PLCB1: variants seen among roughly 807,000 people sequenced by gnomAD.
The protein encoded by PLCB1 is 1-phosphatidylinositol 4,5-bisphosphate phosphodiesterase beta-1.
PLCB1 carries 46 observed loss-of-function variants against 161.8 expected under a neutral mutation model. The observed-to-expected ratio is 0.28, with a 90% CI of 0.22 to 0.36. PLCB1 has a LOEUF of 0.36. Among genes scored for constraint, PLCB1 ranks in the 10% least tolerant of loss-of-function variants. The pLI, the probability that PLCB1 is intolerant of heterozygous loss-of-function variation, is 1.00. For synonymous variants in PLCB1, 517 were observed against 503.7 expected (o/e 1.03, Z -0.35); for missense variants, 1,016 against 1,472.5 (o/e 0.69, Z 5.07).
chr20:8,471,860 T>C (rs761405298), intron 3 of PLCB1, among the ~76,000 whole-genome samples: 6 of 152,176 alleles, frequency 3.9e-5, no homozygotes, highest in Non-Finnish European at 8.8e-5. Context: ...ATTATAAAGA[T>C]CTTCTCATTT....
At chr20:8,630,503 C>T (rs1330976662) in intron 4 of PLCB1, among the ~76,000 whole-genome samples, 1 of 152,092 alleles carries the variant, frequency 6.6e-6, no homozygotes, top group Non-Finnish European at 1.5e-5. Flanking sequence ...CCAAGTTACC[C>T]ATTTATTTCT....
intron 27 of PLCB1, among the ~76,000 whole-genome samples, chr20:8,785,817 G>C (rs1347258076): frequency 6.6e-6 from 1 of 152,222 alleles, no homozygotes; most frequent in African/African-American, 2.4e-5. Context: ...CATGTGAGCA[G>C]ATGCTGGCAT....
chr20:8,570,429 G>A (rs1026356018), intron 3 of PLCB1, among the ~76,000 whole-genome samples: 1 of 152,094 alleles, frequency 6.6e-6, no homozygotes, highest in Non-Finnish European at 1.5e-5. Context: ...TTGCATGTGG[G>A]TGCATATATG....
intron 3 of PLCB1, among the ~76,000 whole-genome samples, chr20:8,578,369 C>T (rs1000052063): frequency 1.3e-5 from 2 of 152,024 alleles, no homozygotes; most frequent in Admixed American, 6.5e-5. Flanking sequence ...TCTTTTAAAG[C>T]ACAATGAGTG....
chr20:8,646,881 T>C (rs994447450), intron 5 of PLCB1, among the ~76,000 whole-genome samples: 1 of 152,194 alleles, frequency 6.6e-6, no homozygotes, highest in Non-Finnish European at 1.5e-5. Flanking sequence ...GGTTAGGAAG[T>C]CTTTAAATCA....
In PLCB1 at chr20:8,774,526, T is replaced by G; in HGVS notation, c.2931-13T>G. On this transcript the variant is annotated splice_polypyrimidine_tract_variant and intron_variant, in intron 26 of 31. Transcript: ENST00000338037. ...CCTGTCTGTTTTGTGAGTCAAACTC[T>G]GTGTCTTTGCAGATCGGAACCCAGC... 6.3e-7 allele frequency: 1 copy of G among 1,582,966 alleles called. No individual in the cohort carries two copies. The highest frequency in any genetic ancestry group is 8.6e-7 in the Non-Finnish European group (1 of 1,158,396).
intron 3 of PLCB1, among the ~76,000 whole-genome samples, chr20:8,410,384 A>G (rs975038903): frequency 2.0e-5 from 3 of 152,222 alleles, no homozygotes; most frequent in African/African-American, 7.2e-5. Context: ...TATTAAGAGT[A>G]CAAGAGAGAT....
chr20:8,573,056 A>T (rs1263028842), intron 3 of PLCB1, among the ~76,000 whole-genome samples: 1 of 152,198 alleles, frequency 6.6e-6, no homozygotes, highest in East Asian at 1.9e-4. Flanking sequence ...CGTGGACCTG[A>T]AAAGTATATT....
At chr20:8,753,970 TC>T (rs1340697634) in intron 23 of PLCB1, among the ~76,000 whole-genome samples, 1 of 152,072 alleles carries the variant, frequency 6.6e-6, no homozygotes, top group Non-Finnish European at 1.5e-5. Context: ...AGGGGTTGTG[TC>T]CCAAGAGTGA....
chr20:8,628,468 G>T (rs1201002063), intron 4 of PLCB1, 37 bp downstream of exon 4: 2 of 1,608,680 alleles, frequency 1.2e-6, no homozygotes, highest in African/African-American at 1.3e-5. Flanking sequence ...TTATCATCAT[G>T]ATCTGAATCC....
At chr20:8,395,299 A>T (rs965530861) in intron 3 of PLCB1, among the ~76,000 whole-genome samples, 1 of 151,994 alleles carries the variant, frequency 6.6e-6, no homozygotes, top group African/African-American at 2.4e-5. Flanking sequence ...ATGCTTCTCT[A>T]TTAATCAATT....
chr20:8,142,824 G>GT (rs1254110995), intron 1 of PLCB1, among the ~76,000 whole-genome samples: 1 of 152,172 alleles, frequency 6.6e-6, no homozygotes, highest in East Asian at 1.9e-4. Flanking sequence ...TATTCTTTGT[G>GT]TACAGAGGCA....
chr20:8,418,362 T>C (rs1300197956), intron 3 of PLCB1, among the ~76,000 whole-genome samples: 2 of 152,292 alleles, frequency 1.3e-5, no homozygotes, highest in South Asian at 2.1e-4. Flanking sequence ...AGCCCAACCT[T>C]CAGGCCACCT....
At chr20:8,681,827 A>G (rs1990228916) in intron 9 of PLCB1, among the ~76,000 whole-genome samples, 1 of 152,226 alleles carries the variant, frequency 6.6e-6, no homozygotes, top group Non-Finnish European at 1.5e-5. Flanking sequence ...ATCAAACAAA[A>G]TGCTGCTGTC....
At chr20:8,330,996 A>G (rs1985345792) in intron 2 of PLCB1, among the ~76,000 whole-genome samples, 1 of 152,246 alleles carries the variant, frequency 6.6e-6, no homozygotes, top group South Asian at 2.1e-4. Flanking sequence ...ATAAAATACC[A>G]TTTTGGTAAG....
rs117634773 is a variant in PLCB1, at chr20:8,450,895, C to T, written c.246+79445C>T. Among the ~76,000 whole-genome samples the T allele has an allele frequency of 3.8e-3, 573 of 152,276 alleles. 5 individuals are homozygous for T. Among genetic ancestry groups the T allele is most frequent in the Admixed American group, 6.0e-3 (92 of 15,296 alleles). Reference sequence around the variant, plus strand: ...ACACCAAATAGTACAATTCTCCACACTGGATTTCTTCAATTTACTGTTAAG... The same window carrying T: ...ACACCAAATAGTACAATTCTCCACATTGGATTTCTTCAATTTACTGTTAAG... On this transcript the variant is annotated intron_variant, in intron 3 of 31. Coordinates refer to ENST00000338037, the MANE Select transcript of PLCB1 (RefSeq NM_015192.4).
rs180776363 is a variant in PLCB1 at position 8,285,286 on chromosome 20, A to G, written c.178-86096A>G. Among the ~76,000 whole-genome samples, 95 of 149,144 alleles carry G rather than the reference A, an allele frequency of 6.4e-4. 4 individuals are homozygous for G. The highest frequency in any genetic ancestry group is 6.3e-3 in the Admixed American group (94 of 14,906). Reference sequence around the variant, plus strand: ...ATATAAAATATTTCTAAATATATATATTTATATCTATATACATATACATCA... The same window carrying G: ...ATATAAAATATTTCTAAATATATATGTTTATATCTATATACATATACATCA... On this transcript the variant is annotated intron_variant, in intron 2 of 31. Transcript: ENST00000338037.
At chr20:8,695,341 T>C (rs1481322965) in intron 10 of PLCB1, among the ~76,000 whole-genome samples, 1 of 152,214 alleles carries the variant, frequency 6.6e-6, no homozygotes, top group Non-Finnish European at 1.5e-5. Flanking sequence ...ACGGGGCACA[T>C]CTTGTCCATG....
intron 11 of PLCB1, among the ~76,000 whole-genome samples, chr20:8,703,141 A>C (rs2123440645): frequency 6.6e-6 from 1 of 152,272 alleles, no homozygotes. Flanking sequence ...ACCTTGGAGA[A>C]GCTTCCTTCC....
Sources: allele counts gnomAD v4.1 joint callset (sites outside exome capture counted in the v4.1 genomes callset), GRCh38; gene constraint gnomAD v4.1.1; transcripts MANE v1.5; gene names NCBI Gene and HGNC (gene_info 2026-07-23, HGNC 2026-07-21).